DISC1: variants seen among roughly 807,000 people sequenced by gnomAD.
The protein encoded by DISC1 is disrupted in schizophrenia 1 protein.
Under a neutral mutation model 84.5 loss-of-function variants are expected in DISC1, and 57 were observed. The ratio of observed to expected loss-of-function variants is 0.67; its 90% CI spans 0.55 to 0.84. DISC1 has a LOEUF of 0.84. Ranked by LOEUF, DISC1 falls within the 40% of genes least tolerant of loss-of-function variation. DISC1 has a pLI of 0.00. For synonymous variants in DISC1, 411 were observed against 415.2 expected (o/e 0.99, Z 0.12); for missense variants, 1,000 against 1,057.8 (o/e 0.95, Z 0.76).
At chr1:232,006,302 G>T (rs1667431328) in intron 10 of DISC1, among the ~76,000 whole-genome samples, 1 of 152,232 alleles carries the variant, frequency 6.6e-6, no homozygotes, top group African/African-American at 2.4e-5. Context: ...ATGTGGGAAA[G>T]TTTGTAACTT....
Position 231,793,938 on chromosome 1 carries a change from A to C in DISC1, c.1635-1304A>C, listed in dbSNP as rs541488399. On this transcript the variant is annotated intron_variant, in intron 6 of 12. Transcript: ENST00000439617. The stretch of plus-strand genomic sequence containing the variant: ...TTTGATTTTCTTTCCCTGACTAAAT[A>C]AATTTATTTTATTTTATTTTTTGGA... Among the ~76,000 whole-genome samples the C allele has an allele frequency of 3.3e-5, 5 of 152,290 alleles. No homozygotes were observed. The East Asian group carries it at 9.6e-4, about 29-fold the overall frequency.
intron 10 of DISC1, among the ~76,000 whole-genome samples, chr1:231,994,014 G>T (rs1361379832): frequency 1.3e-5 from 2 of 152,176 alleles, no homozygotes; most frequent in Non-Finnish European, 2.9e-5. Context: ...AACAGGAAAG[G>T]GAAGTATGTT....
At chr1:232,005,455 AC>A (rs1667305083) in intron 10 of DISC1, among the ~76,000 whole-genome samples, 1 of 151,874 alleles carries the variant, frequency 6.6e-6, no homozygotes, top group Non-Finnish European at 1.5e-5. Flanking sequence ...CTTTTCTCTC[AC>A]TGCTTTTAAG....
chr1:231,650,949 A>T (rs182660594), intron 1 of DISC1, among the ~76,000 whole-genome samples: 35 of 152,224 alleles, frequency 2.3e-4, no homozygotes, highest in Middle Eastern at 3.4e-3. Context: ...TGTTTATTCT[A>T]GTTAGCCATT....
chr1:231,961,890 A>G (rs143971021), intron 10 of DISC1, among the ~76,000 whole-genome samples: 1,822 of 152,324 alleles, frequency 0.012, 30 homozygotes, highest in African/African-American at 0.041. Context: ...TTTTGGATAT[A>G]TACCCAGTAA....
chr1:231,845,662 C>T (rs537774213), intron 9 of DISC1, among the ~76,000 whole-genome samples: 93 of 151,886 alleles, frequency 6.1e-4, no homozygotes, highest in African/African-American at 1.5e-3. Context: ...CAACTGGGTT[C>T]GGGAGCCGAA....
At chr1:231,877,230 C>T (rs1182767761) in intron 9 of DISC1, among the ~76,000 whole-genome samples, 2 of 152,218 alleles carry the variant, frequency 1.3e-5, no homozygotes, top group Non-Finnish European at 2.9e-5. Flanking sequence ...AGAGACCAAC[C>T]TTGTACAGCC....
intron 9 of DISC1, among the ~76,000 whole-genome samples, chr1:231,886,926 A>C (rs551472370): frequency 6.9e-6 from 1 of 144,252 alleles, no homozygotes; most frequent in African/African-American, 2.6e-5. Context: ...CAGTGGCGCC[A>C]TCTCAGCTCA....
At chr1:231,764,976 G>A (rs950903164) in intron 4 of DISC1, among the ~76,000 whole-genome samples, 44 of 152,188 alleles carry the variant, frequency 2.9e-4, no homozygotes, top group Non-Finnish European at 5.3e-4. Context: ...CGGATCATCA[G>A]GTCAGGAGAT....
chr1:231,977,160 A>C (rs1439939096), intron 10 of DISC1, among the ~76,000 whole-genome samples: 1 of 152,220 alleles, frequency 6.6e-6, no homozygotes, highest in Non-Finnish European at 1.5e-5. Flanking sequence ...AACAAATTTC[A>C]ATACGTGGCC....
intron 12 of DISC1, among the ~76,000 whole-genome samples, chr1:232,035,179 G>T (rs1273922146): frequency 6.6e-6 from 1 of 152,196 alleles, no homozygotes; most frequent in Non-Finnish European, 1.5e-5. Context: ...GCTGGGCATG[G>T]TGGCTCATGC....
chr1:232,026,252 C>T (rs201105990), intron 11 of DISC1, among the ~76,000 whole-genome samples, 183 bp from the exon 12 acceptor site: 195 of 152,300 alleles, frequency 1.3e-3, no homozygotes, highest in Non-Finnish European at 2.0e-3. Flanking sequence ...AAAGCTCATT[C>T]TTTGGTCATA....
chr1:231,634,349 A>G (rs1304334114), intron 1 of DISC1, among the ~76,000 whole-genome samples: 1 of 152,250 alleles, frequency 6.6e-6, no homozygotes, highest in African/African-American at 2.4e-5. Context: ...AAAAAAAAGT[A>G]AATACAGAGA....
At chr1:231,912,715 C>A (rs2089305293) in intron 9 of DISC1, among the ~76,000 whole-genome samples, 1 of 151,642 alleles carries the variant, frequency 6.6e-6, no homozygotes, top group South Asian at 2.1e-4. Context: ...AGCTGTCAGA[C>A]AGGGACATTT....
At chr1:231,864,644 C>T (rs2125932230) in intron 9 of DISC1, among the ~76,000 whole-genome samples, 1 of 152,178 alleles carries the variant, frequency 6.6e-6, no homozygotes. Flanking sequence ...GCCTGGGTGA[C>T]AGGGAGACTC....
chr1:231,722,729 G>A, intron 3 of DISC1: 2 of 1,543,038 alleles, frequency 1.3e-6, no homozygotes, highest in Non-Finnish European at 1.7e-6. Flanking sequence ...TATGATCAGG[G>A]TAGCATCATA....
chr1:231,943,963 A>G (rs1028144998), intron 9 of DISC1: 15 of 152,114 alleles, frequency 9.9e-5, no homozygotes, highest in African/African-American at 3.1e-4. Context: ...ACCTCAGGTA[A>G]TCCACCTGCT....
At chr1:231,766,658 A>G (rs2076198650) in intron 4 of DISC1, among the ~76,000 whole-genome samples, 1 of 152,266 alleles carries the variant, frequency 6.6e-6, no homozygotes, top group Non-Finnish European at 1.5e-5. Flanking sequence ...TCATTTGAAT[A>G]AAGATCTTGT....
chr1:232,028,234 G>T (rs1482754381), intron 12 of DISC1, among the ~76,000 whole-genome samples: 5 of 152,130 alleles, frequency 3.3e-5, no homozygotes, highest in African/African-American at 1.2e-4. Context: ...GGAGGAGTCC[G>T]CTGCAGAGAG....
Sources: gnomAD v4.1 joint callset for allele counts (sites outside exome capture counted in the v4.1 genomes callset) on GRCh38, gnomAD v4.1.1 for gene constraint, MANE v1.5 for transcripts, NCBI Gene and HGNC (gene_info 2026-07-23, HGNC 2026-07-21) for gene names.